Variants in WDR41 observed in about 807,000 individuals in gnomAD.
The protein encoded by WDR41 is WD repeat-containing protein 41.
Under a neutral mutation model 69.3 loss-of-function variants are expected in WDR41, and 63 were observed. The ratio of observed to expected loss-of-function variants is 0.91; its 90% CI spans 0.74 to 1.12. The LOEUF is 1.12. Ranked by LOEUF, WDR41 falls within the 50% of genes most tolerant of loss-of-function variation. WDR41 has a pLI of 0.00. For missense variants in WDR41, 543 were observed against 534.5 expected, an observed-to-expected ratio of 1.02 and a Z score of -0.16; for synonymous variants, 185 against 192.1, an observed-to-expected ratio of 0.96 and a Z score of 0.31.
chr5:77,479,931 A>C (rs1027581602), intron 2 of WDR41: 6 of 151,978 alleles, frequency 3.9e-5, no homozygotes, highest in Non-Finnish European at 1.5e-5. Flanking sequence ...TCATCTGACA[A>C]AGGGCTAATA....
At chr5:77,512,731 C>T (rs966525783) in intron 1 of WDR41, among the ~76,000 whole-genome samples, 2 of 109,888 alleles carry the variant, frequency 1.8e-5, no homozygotes, top group East Asian at 2.4e-4. Flanking sequence ...GGCGAGAGAG[C>T]GAAGACTCCA....
chr5:77,507,166 C>G (rs1802122077), intron 1 of WDR41, among the ~76,000 whole-genome samples: 1 of 152,082 alleles, frequency 6.6e-6, no homozygotes, highest in Non-Finnish European at 1.5e-5. Context: ...CTAAGGAGAT[C>G]TAGCTTAAAA....
chr5:77,532,227 A>G (rs1010447374), intron 1 of WDR41, among the ~76,000 whole-genome samples: 2 of 152,106 alleles, frequency 1.3e-5, no homozygotes, highest in African/African-American at 2.4e-5. Flanking sequence ...ACAGGTGTTC[A>G]CTGAAATCTT....
chr5:77,453,855 A>G lies in WDR41; in HGVS notation c.485T>C (p.Leu162Ser), dbSNP rs1323374930. ...GNDLCVWNRK[L>S]DLLCKTSHLS... ...GTGGCTAGTCTTACACAGGAGATCTAATTTTCGGTTCCACACACACAGGTC... is the reference window on the plus strand; with the variant it reads ...GTGGCTAGTCTTACACAGGAGATCTGATTTTCGGTTCCACACACACAGGTC... The change falls in exon 6 of 13, where the codon TTA becomes TCA. Residue 162 changes from leucine (L) to serine (S), a missense_variant. By Grantham distance (145) the Leu-to-Ser change is moderately radical. Transcript: ENST00000296679. 1.9e-6 allele frequency: 3 copies of G among 1,614,076 alleles called. No homozygotes were observed. In the South Asian group the frequency reaches 3.3e-5, roughly 18 times the overall value.
chr5:77,546,248 A>G (rs1186426037), intron 1 of WDR41: 19 of 382,140 alleles, frequency 5.0e-5, no homozygotes, highest in Non-Finnish European at 5.7e-5. Context: ...CCCAGGCTCC[A>G]GCTGTGGCTA....
chr5:77,438,272 G>T lies in WDR41; in HGVS notation c.972C>A (p.Ser324=). ...VIACQKTAHD[S]NVLHVARLPN... ...GAAGTCTGGCAACGTGCAGGACATT[G>T]GAGTCATGTGCAGTTTTCTGGCAGG... The change falls in exon 10 of 13, where the codon TCC becomes TCA. Residue 324 remains serine, a synonymous_variant. Transcript: ENST00000296679. 6.2e-7 allele frequency: 1 copy of T among 1,614,052 alleles called. No homozygotes were observed. Among genetic ancestry groups the T allele is most frequent in the East Asian group, 2.2e-5 (1 of 44,870 alleles).
At chr5:77,601,007 G>A (rs113095383) in intron 1 of WDR41, among the ~76,000 whole-genome samples, 74 of 151,376 alleles carry the variant, frequency 4.9e-4, no homozygotes, top group Non-Finnish European at 9.0e-4. Context: ...CTAAGTCAGA[G>A]TAAGTTCAAG....
intron 1 of WDR41, among the ~76,000 whole-genome samples, chr5:77,511,854 G>A (rs1465996426): frequency 2.0e-5 from 3 of 151,166 alleles, no homozygotes; most frequent in South Asian, 4.2e-4. Flanking sequence ...GTTAAGTTTC[G>A]ATTCTTACCG....
intron 1 of WDR41, among the ~76,000 whole-genome samples, chr5:77,598,623 TTA>T (rs949378148): frequency 6.6e-6 from 1 of 151,168 alleles, no homozygotes; most frequent in African/African-American, 2.4e-5. Context: ...GCCTTTGAAG[TTA>T]TGTGAATCAG....
intron 1 of WDR41, among the ~76,000 whole-genome samples, chr5:77,606,637 T>C (rs1233918272): frequency 6.6e-6 from 1 of 151,814 alleles, no homozygotes; most frequent in Non-Finnish European, 1.5e-5. Flanking sequence ...ACCCTGTCTC[T>C]ACAAACAATG....
intron 1 of WDR41, among the ~76,000 whole-genome samples, chr5:77,608,582 A>G (rs1242047024): frequency 6.6e-6 from 1 of 152,264 alleles, no homozygotes; most frequent in East Asian, 1.9e-4. Context: ...GATAGTGCAT[A>G]TACAGAACAT....
At chr5:77,508,924 T>A (rs1447192896) in intron 1 of WDR41, among the ~76,000 whole-genome samples, 1 of 152,218 alleles carries the variant, frequency 6.6e-6, no homozygotes, top group Non-Finnish European at 1.5e-5. Context: ...TAAAACCTTC[T>A]GCCCCTTTTT....
intron 1 of WDR41, among the ~76,000 whole-genome samples, chr5:77,510,051 T>C (rs550788591): frequency 1.3e-5 from 2 of 152,200 alleles, no homozygotes; most frequent in East Asian, 1.9e-4. Context: ...GGAACTGAGA[T>C]CACCAGGTGT....
In WDR41 at chr5:77,438,277, CAT is replaced by C. The variant is rs1354630638; in HGVS notation, c.965_966del (p.His322ArgfsTer38). 7 of 1,614,074 alleles carry C rather than the reference CAT, an allele frequency of 4.3e-6. No homozygotes were observed. Among genetic ancestry groups the C allele is most frequent in the South Asian group, 3.3e-5 (3 of 91,080 alleles). On this transcript the variant is annotated frameshift_variant, in exon 10 of 13. Coordinates refer to ENST00000296679, the MANE Select transcript of WDR41 (RefSeq NM_018268.4). LOFTEE classifies it high-confidence loss of function. ...KRVIACQKTA[H>X]DSNVLHVARL... ...CTGGCAACGTGCAGGACATTGGAGT[CAT>C]GTGCAGTTTTCTGGCAGGCAATCAC... is the stretch of plus-strand genomic sequence containing the variant.
In WDR41 at chr5:77,433,071, T is replaced by C; in HGVS notation, c.*64A>G. On this transcript the variant is annotated 3_prime_UTR_variant, in exon 13 of 13. Coordinates refer to ENST00000296679, the MANE Select transcript of WDR41 (RefSeq NM_018268.4). ...TTTAAGTGATCAATATATTAATGGT[T>C]TTCAGAGTAGTACCCGATATTTGAT... The C allele has an allele frequency of 6.7e-7, 1 of 1,489,236 alleles. No individual in the cohort carries two copies. The allele number at this position is 1,489,236 out of a possible 1,614,324, so 92.3% of individuals were successfully genotyped here. A position where few individuals can be genotyped will look rare whatever the true frequency, so the allele number is the denominator to read the frequency against.
chr5:77,543,771 A>G (rs1339848209), intron 1 of WDR41, among the ~76,000 whole-genome samples: 1 of 152,140 alleles, frequency 6.6e-6, no homozygotes, highest in Non-Finnish European at 1.5e-5. Context: ...GCCTTGCTAG[A>G]TACCTAGACA....
intron 8 of WDR41, among the ~76,000 whole-genome samples, chr5:77,447,021 C>T (rs1293644250): frequency 6.6e-6 from 1 of 152,018 alleles, no homozygotes; most frequent in Admixed American, 6.6e-5. Context: ...TGCAATCTAC[C>T]CATCTGACAA....
Position 77,432,297 on chromosome 5 carries a change from A to C in WDR41, c.*838T>G, listed in dbSNP as rs937992062. 5.3e-5 allele frequency: 8 copies of C among 152,232 alleles called. No individual in the cohort carries two copies. Among genetic ancestry groups the C allele is most frequent in the Admixed American group, 5.2e-4 (8 of 15,280 alleles). 9.4% of individuals were successfully genotyped at this position (152,232 alleles called of 1,614,324 possible). On this transcript the variant is annotated 3_prime_UTR_variant, in exon 13 of 13. Coordinates refer to ENST00000296679, the MANE Select transcript of WDR41 (RefSeq NM_018268.4). ...CCAAAAGGAGAAAACATATTGTTACAAGGCTGGTTATAGTGTCTCAATGGA... is the reference window on the plus strand; with the variant it reads ...CCAAAAGGAGAAAACATATTGTTACCAGGCTGGTTATAGTGTCTCAATGGA...
At position 77,549,230 on chromosome 5, in the gene WDR41, A is replaced by G. The variant is rs1005429743; in HGVS notation, c.43-59658T>C. Among the ~76,000 whole-genome samples, 13 of 152,156 alleles carry G rather than the reference A, an allele frequency of 8.5e-5. 1 individual carries two copies. The highest frequency in any genetic ancestry group is 2.9e-4 in the African/African-American group (12 of 41,454). On this transcript the variant is annotated intron_variant, in intron 1 of 5. Transcript: ENST00000509971. The stretch of plus-strand genomic sequence containing the variant: ...CACCAAAATCTCACAAATCACCACT[A>G]AAGAGCTTACTCATGTAACAAATAT...
Sources: gnomAD v4.1 joint callset for allele counts (sites outside exome capture counted in the v4.1 genomes callset) on GRCh38, gnomAD v4.1.1 for gene constraint, MANE v1.5 for transcripts, NCBI Gene and HGNC (gene_info 2026-07-23, HGNC 2026-07-21) for gene names.